Variants in SEZ6 observed in about 807,000 individuals in gnomAD.
SEZ6 encodes seizure related 6 homolog.
SEZ6 carries 53 observed loss-of-function variants against 101.0 expected under a neutral mutation model. The ratio of observed to expected loss-of-function variants is 0.52; its 90% CI spans 0.42 to 0.66. The LOEUF is 0.66. Ranked by LOEUF, SEZ6 falls within the 30% of genes least tolerant of loss-of-function variation. SEZ6 has a pLI of 0.00. For synonymous variants in SEZ6, 488 were observed against 512.2 expected (o/e 0.95, Z 0.64); for missense variants, 1,102 against 1,289.4 (o/e 0.85, Z 2.23).
chr17:28,979,570 C>T, intron 3 of SEZ6, 110 bp downstream of exon 3: 1 of 1,504,570 alleles, frequency 6.6e-7, no homozygotes. Flanking sequence ...AGGCGATGCC[C>T]CACAATTGAT....
chr17:28,963,297 T>G (rs1329036000), intron 5 of SEZ6, among the ~76,000 whole-genome samples: 1 of 152,152 alleles, frequency 6.6e-6, no homozygotes, highest in African/African-American at 2.4e-5. Flanking sequence ...TTTCTGGAAC[T>G]TCCCTCTGCT....
rs75054817 is a variant in SEZ6 at position 28,988,633 on chromosome 17, C to T, written c.56-6594G>A. On this transcript the variant is annotated intron_variant, in intron 1 of 16. Coordinates refer to ENST00000317338, the MANE Select transcript of SEZ6 (RefSeq NM_178860.5). ...CCCGGACTACCCTCTCTTCCCCTGC[C>T]ACTGATCATCCCCATCACAGCCTCT... is the stretch of plus-strand genomic sequence containing the variant. Among the ~76,000 whole-genome samples the T allele has an allele frequency of 2.5e-3, 380 of 152,342 alleles. No homozygotes were observed. The Middle Eastern group carries it at 0.031, about 12-fold the overall frequency.
chr17:28,977,162 G>C (rs925532042), intron 3 of SEZ6, among the ~76,000 whole-genome samples: 2 of 152,212 alleles, frequency 1.3e-5, no homozygotes, highest in African/African-American at 4.8e-5. Flanking sequence ...CAACTCTCCA[G>C]TGGGTATTGT....
chr17:28,955,998 C>T lies in SEZ6; in HGVS notation c.2953-4G>A. ...CGTCTCCTGCAAAGGAAAGAGACTG[C>T]TGGGAGTTGGAAACTTGTATTAGGT... On this transcript the variant is annotated splice_polypyrimidine_tract_variant and splice_region_variant and intron_variant, in intron 16 of 16. Coordinates refer to ENST00000317338, the MANE Select transcript of SEZ6 (RefSeq NM_178860.5). 6.2e-7 allele frequency: 1 copy of T among 1,612,656 alleles called. No individual in the cohort carries two copies. Among genetic ancestry groups the T allele is most frequent in the Non-Finnish European group, 8.5e-7 (1 of 1,179,388 alleles).
intron 3 of SEZ6, among the ~76,000 whole-genome samples, chr17:28,973,776 A>G (rs557490449): frequency 6.6e-6 from 1 of 152,348 alleles, no homozygotes; most frequent in South Asian, 2.1e-4. Flanking sequence ...AGGCATCTGT[A>G]GAGCCTGGGA....
intron 3 of SEZ6, among the ~76,000 whole-genome samples, chr17:28,976,279 C>G (rs2041219299): frequency 6.6e-6 from 1 of 152,208 alleles, no homozygotes; most frequent in African/African-American, 2.4e-5. Context: ...TCTGGTACCC[C>G]TGAGGCTGGT....
intron 1 of SEZ6, among the ~76,000 whole-genome samples, chr17:28,997,663 G>A (rs2041560291): frequency 6.6e-6 from 1 of 152,136 alleles, no homozygotes; most frequent in Admixed American, 6.5e-5. Context: ...GCTGTTGGAG[G>A]GGCTCCTCTC....
In SEZ6 at chr17:28,957,817, A is replaced by C. The variant is rs949322814; in HGVS notation, c.2302+130T>G. 4 of 1,081,768 alleles carry C rather than the reference A, an allele frequency of 3.7e-6. No homozygotes were observed. The African/African-American group carries it at 6.3e-5, about 17-fold the overall frequency. 67.0% of individuals were successfully genotyped at this position (1,081,768 alleles called of 1,614,324 possible). Reference sequence around the variant, plus strand: ...ATCATCCCCATTTCACAGATGAGGAAACTGAGGCTATAAGAGGTGAAGGAA... The same window carrying C: ...ATCATCCCCATTTCACAGATGAGGACACTGAGGCTATAAGAGGTGAAGGAA... On this transcript the variant is annotated intron_variant, in intron 11 of 16. Coordinates refer to ENST00000317338, the MANE Select transcript of SEZ6 (RefSeq NM_178860.5).
intron 11 of SEZ6, 144 bp from the exon 12 acceptor site, chr17:28,957,683 G>GC: frequency 1.0e-6 from 1 of 971,336 alleles, no homozygotes; most frequent in South Asian, 1.7e-5. Context: ...TTATGCTAGT[G>GC]TGTCCCCCCA....
intron 14 of SEZ6, 33 bp downstream of exon 14, chr17:28,956,663 CCGTGAGAACCAGGACCAGGGAGA>C (rs2152682740): frequency 6.5e-7 from 1 of 1,549,354 alleles, no homozygotes; most frequent in South Asian, 1.2e-5. Context: ...GACCTGGGAG[CCGTGAGAACCAGGACCAGGGAGA>C]CCACTTCTCT....
At chr17:29,001,520 A>G (rs1217053945) in intron 1 of SEZ6, among the ~76,000 whole-genome samples, 2 of 152,240 alleles carry the variant, frequency 1.3e-5, no homozygotes, top group Non-Finnish European at 2.9e-5. Flanking sequence ...GGAGAATTAC[A>G]GGAAGTGTCA....
At chr17:28,966,310 C>G (rs1340443883) in intron 4 of SEZ6, among the ~76,000 whole-genome samples, 1 of 132,870 alleles carries the variant, frequency 7.5e-6, no homozygotes, top group Non-Finnish European at 1.6e-5. Flanking sequence ...CCCATCTCTA[C>G]TAAAAATACA....
chr17:29,004,679 T>G (rs1039209201), intron 1 of SEZ6, among the ~76,000 whole-genome samples: 34 of 152,170 alleles, frequency 2.2e-4, no homozygotes. Context: ...ACCCTCACAC[T>G]TCACATCAGG....
chr17:28,968,629 C>T (rs1027409971), intron 4 of SEZ6, among the ~76,000 whole-genome samples: 1 of 152,158 alleles, frequency 6.6e-6, no homozygotes, highest in Non-Finnish European at 1.5e-5. Context: ...CTCCCTGCTG[C>T]TATGCCAGAC....
chr17:28,972,176 CCTT>C (rs1366129103), intron 3 of SEZ6, among the ~76,000 whole-genome samples: 2 of 152,248 alleles, frequency 1.3e-5, no homozygotes, highest in African/African-American at 4.8e-5. Context: ...GGCCAGCAGT[CCTT>C]CTGTTTCAGA....
At chr17:29,001,278 A>G (rs1163142358) in intron 1 of SEZ6, among the ~76,000 whole-genome samples, 1 of 152,182 alleles carries the variant, frequency 6.6e-6, no homozygotes, top group Non-Finnish European at 1.5e-5. Context: ...GGAATTCTAG[A>G]GCTTCCCCAA....
intron 3 of SEZ6, among the ~76,000 whole-genome samples, chr17:28,975,019 T>C (rs2041202989): frequency 6.6e-6 from 1 of 152,234 alleles, no homozygotes; most frequent in Non-Finnish European, 1.5e-5. Flanking sequence ...CTTCATGGGT[T>C]TGTAAGGATT....
At chr17:28,992,489 G>A (rs1287000068) in intron 1 of SEZ6, among the ~76,000 whole-genome samples, 2 of 152,134 alleles carry the variant, frequency 1.3e-5, no homozygotes, top group African/African-American at 4.8e-5. Context: ...CCTGCCCAAG[G>A]ATGCCACACC....
chr17:28,979,564 G>C (rs149269463), intron 3 of SEZ6, 116 bp downstream of exon 3: 32 of 1,462,114 alleles, frequency 2.2e-5, no homozygotes, highest in Middle Eastern at 1.7e-4. Context: ...GGCCTTAGGC[G>C]ATGCCCCACA....
Sources: gnomAD v4.1 joint callset for allele counts (sites outside exome capture counted in the v4.1 genomes callset) on GRCh38, gnomAD v4.1.1 for gene constraint, MANE v1.5 for transcripts, NCBI Gene and HGNC (gene_info 2026-07-23, HGNC 2026-07-21) for gene names.